FAIM2: variants seen among roughly 807,000 people sequenced by gnomAD.
FAIM2 encodes the protein protein lifeguard 2.
Under a neutral mutation model 47.4 loss-of-function variants are expected in FAIM2, and 27 were observed. That is an observed-to-expected ratio of 0.57 (90% CI 0.42 to 0.78). The LOEUF (loss-of-function observed/expected upper bound fraction) is 0.78, where lower values mean the gene tolerates loss of function less well. Among genes scored for constraint, FAIM2 ranks in the 30% least tolerant of loss-of-function variants. FAIM2 has a pLI of 0.00. For missense variants in FAIM2, 311 were observed against 389.4 expected (o/e 0.80, Z 1.69); for synonymous variants, 156 against 159.3 (o/e 0.98, Z 0.16).
chr12:49,899,881 GCCTT>G (rs1202386734), intron 2 of FAIM2, among the ~76,000 whole-genome samples: 11 of 152,236 alleles, frequency 7.2e-5, no homozygotes, highest in African/African-American at 2.4e-4. Context: ...TGTCATAGCT[GCCTT>G]CCTGCCTCGA....
At chr12:49,889,445 G>A in intron 9 of FAIM2, 36 bp downstream of exon 9, 2 of 1,588,304 alleles carry the variant, frequency 1.3e-6, no homozygotes, top group Non-Finnish European at 1.7e-6. Flanking sequence ...CTCAGCCTCA[G>A]GCCAGGGGTC....
rs754001774 is a variant in FAIM2 at position 49,900,254 on chromosome 12, T to C, written c.211+876A>G. 3.1e-6 allele frequency: 4 copies of C among 1,276,274 alleles called. No individual in the cohort carries two copies. The South Asian group carries it at 5.0e-5, about 16-fold the overall frequency. The allele number at this position is 1,276,274 out of a possible 1,614,324, so 79.1% of individuals were successfully genotyped here. A position where few individuals can be genotyped will look rare whatever the true frequency, so the allele number is the denominator to read the frequency against. ...GGTGTAGACCATGGTGGCTACTCCC[T>C]ATGAGCAGAGGCTCTGTCTGGGGCA... On this transcript the variant is annotated intron_variant, in intron 2 of 11. Transcript: ENST00000320634.
intron 2 of FAIM2, among the ~76,000 whole-genome samples, chr12:49,899,945 A>AT (rs1946969958): frequency 6.6e-6 from 1 of 152,238 alleles, no homozygotes; most frequent in African/African-American, 2.4e-5. Flanking sequence ...CAACGAGGAT[A>AT]TGGGAAATGA....
intron 11 of FAIM2, among the ~76,000 whole-genome samples, chr12:49,879,515 T>A (rs978643300): frequency 2.5e-5 from 3 of 121,530 alleles, no homozygotes; most frequent in Non-Finnish European, 5.9e-5. Context: ...TATGTGCATG[T>A]GTGTGTGTCC....
intron 11 of FAIM2, among the ~76,000 whole-genome samples, chr12:49,880,316 GTGTA>G (rs778635992): frequency 1.2e-4 from 17 of 147,026 alleles, no homozygotes; most frequent in African/African-American, 3.1e-4. Flanking sequence ...ATGTGTGTAT[GTGTA>G]TGTGTGTCTG....
intron 11 of FAIM2, among the ~76,000 whole-genome samples, chr12:49,882,093 A>G (rs1946829777): frequency 6.6e-6 from 1 of 152,136 alleles, no homozygotes; most frequent in East Asian, 1.9e-4. Flanking sequence ...TCTTCACCCC[A>G]CTCTTGCACA....
Position 49,897,893 on chromosome 12 carries a change from G to A in FAIM2, c.315+94C>T, listed in dbSNP as rs1946950434. On this transcript the variant is annotated intron_variant, in intron 3 of 11. Coordinates refer to ENST00000320634, the MANE Select transcript of FAIM2 (RefSeq NM_012306.4). ...TGGGATCACAAGAGAAGGGGGCAGG[G>A]ATGGCTTCTGCAGGCAGAGGGTTGG... The A allele has an allele frequency of 1.8e-5, 17 of 943,778 alleles. No individual in the cohort carries two copies. The South Asian group carries it at 2.3e-4, about 13-fold the overall frequency. 58.5% of individuals were successfully genotyped at this position (943,778 alleles called of 1,614,324 possible).
chr12:49,897,688 C>A, intron 3 of FAIM2, 105 bp from the exon 4 acceptor site: 1 of 819,846 alleles, frequency 1.2e-6, no homozygotes, highest in Non-Finnish European at 2.0e-6. Flanking sequence ...GTGCACTCCA[C>A]CCTCCTTTTT....
intron 11 of FAIM2, among the ~76,000 whole-genome samples, chr12:49,872,493 A>C (rs1592782679): frequency 6.6e-6 from 1 of 152,042 alleles, no homozygotes; most frequent in Admixed American, 6.5e-5. Flanking sequence ...CCTTTCCTTC[A>C]CCTCCGCCAT....
intron 5 of FAIM2, 125 bp downstream of exon 5, chr12:49,896,906 G>A (rs547193302): frequency 1.3e-6 from 1 of 799,306 alleles, no homozygotes; most frequent in Non-Finnish European, 2.2e-6. Context: ...GGGGATCTGT[G>A]AGGACAGTCC....
chr12:49,890,865 G>T, intron 6 of FAIM2, 143 bp from the exon 7 acceptor site: 1 of 878,938 alleles, frequency 1.1e-6, no homozygotes, highest in South Asian at 1.4e-5. Context: ...ATCCCCATTT[G>T]CTCCCTTCTC....
chr12:49,872,042 T>C (rs1946706816), intron 11 of FAIM2, among the ~76,000 whole-genome samples: 3 of 152,196 alleles, frequency 2.0e-5, no homozygotes, highest in Non-Finnish European at 4.4e-5. Context: ...GAAAGGCATG[T>C]TCCCTGGGTC....
chr12:49,887,253 G>A lies in FAIM2; in HGVS notation c.801+133C>T, dbSNP rs1046168761. On this transcript the variant is annotated intron_variant, in intron 11 of 11. Transcript: ENST00000320634. The stretch of plus-strand genomic sequence containing the variant: ...TGAACAAACAAACAAACGCAGCACC[G>A]AGCCTAGCCCTACCCGCAGGTGCTC... 16 of 768,196 alleles carry A rather than the reference G, an allele frequency of 2.1e-5. No individual in the cohort carries two copies. In the East Asian group the frequency reaches 2.7e-4, roughly 13 times the overall value. 47.6% of individuals were successfully genotyped at this position (768,196 alleles called of 1,614,324 possible). A position where few individuals can be genotyped will look rare whatever the true frequency, so the allele number is the denominator to read the frequency against.
rs896024947 is a variant in FAIM2 at position 49,890,025 on chromosome 12, CAT to C, written c.563+90_563+91del. The C allele has an allele frequency of 3.1e-6, 4 of 1,307,768 alleles. No individual in the cohort carries two copies. The African/African-American group carries it at 5.8e-5, about 19-fold the overall frequency. 81.0% of individuals were successfully genotyped at this position (1,307,768 alleles called of 1,614,324 possible). On this transcript the variant is annotated intron_variant, in intron 8 of 11. Transcript: ENST00000320634. The stretch of plus-strand genomic sequence containing the variant: ...GCCCCCGGGCCCATCCACATGCTCC[CAT>C]GTGTGTGGGGCAGCTCCCCTCGGGT...
At chr12:49,885,590 C>T (rs1304869158) in intron 11 of FAIM2, among the ~76,000 whole-genome samples, 1 of 152,136 alleles carries the variant, frequency 6.6e-6, no homozygotes, top group Non-Finnish European at 1.5e-5. Context: ...TTTAGGGGCT[C>T]CTCAAGAAGT....
chr12:49,893,770 G>C (rs1005191599), intron 5 of FAIM2, among the ~76,000 whole-genome samples: 1 of 152,152 alleles, frequency 6.6e-6, no homozygotes, highest in Admixed American at 6.5e-5. Flanking sequence ...TGAACATCCT[G>C]CTCCGTGAGG....
At chr12:49,898,931 G>A (rs1946961593) in intron 2 of FAIM2, among the ~76,000 whole-genome samples, 1 of 152,124 alleles carries the variant, frequency 6.6e-6, no homozygotes, top group South Asian at 2.1e-4. Flanking sequence ...CAGGGGGTGG[G>A]GGGCTGGAGG....
Position 49,870,400 on chromosome 12 carries a change from G to T in FAIM2, c.*104C>A. On this transcript the variant is annotated 3_prime_UTR_variant, in exon 12 of 12. Transcript: ENST00000320634. ...GTAGACAGTGACCTGGCCACAGGCT[G>T]GGTTGGCAGCTAGTTTTATATCTGG... The T allele has an allele frequency of 9.2e-7, 1 of 1,090,904 alleles. No homozygotes were observed. Among genetic ancestry groups the T allele is most frequent in the East Asian group, 2.4e-5 (1 of 42,234 alleles). The allele number at this position is 1,090,904 out of a possible 1,614,324, so 67.6% of individuals were successfully genotyped here.
chr12:49,878,513 T>C (rs1444120562), intron 11 of FAIM2, among the ~76,000 whole-genome samples: 2 of 60,932 alleles, frequency 3.3e-5, no homozygotes, highest in South Asian at 5.2e-4. Context: ...TGTATATGTG[T>C]GCATATGACT....
Sources: gnomAD v4.1 joint callset for allele counts (sites outside exome capture counted in the v4.1 genomes callset) on GRCh38, gnomAD v4.1.1 for gene constraint, MANE v1.5 for transcripts, NCBI Gene and HGNC (gene_info 2026-07-23, HGNC 2026-07-21) for gene names.